The following ANO2 variants were observed in gnomAD, a reference collection of about 807,000 sequenced individuals.
The protein encoded by ANO2 is anoctamin-2.
Under a neutral mutation model 124.2 loss-of-function variants are expected in ANO2, and 101 were observed. That is an observed-to-expected ratio of 0.81 (90% CI 0.69 to 0.96). The LOEUF (loss-of-function observed/expected upper bound fraction) is 0.96, where lower values mean the gene tolerates loss of function less well. ANO2 is among the 40% of genes least tolerant of loss of function. The probability of loss-of-function intolerance (pLI) is 0.00; values close to 1 mark genes in which losing one functional copy is unlikely to be tolerated. For synonymous variants in ANO2, 486 were observed against 482.5 expected (o/e 1.01, Z -0.09); for missense variants, 1,293 against 1,274.5 (o/e 1.01, Z -0.22).
chr12:5,676,890 C>T (rs1948270898), intron 14 of ANO2, among the ~76,000 whole-genome samples: 2 of 151,970 alleles, frequency 1.3e-5, no homozygotes, highest in Non-Finnish European at 2.9e-5. Context: ...CCTGTCTCTA[C>T]TAAAAGTACA....
At chr12:5,830,833 T>C (rs1275693724) in intron 5 of ANO2, among the ~76,000 whole-genome samples, 1 of 152,190 alleles carries the variant, frequency 6.6e-6, no homozygotes, top group Non-Finnish European at 1.5e-5. Context: ...GAAAACTTTG[T>C]GTAAAGAAAA....
chr12:5,615,302 A>T lies in ANO2; in HGVS notation c.1817-5T>A, dbSNP rs1944747393. The T allele has an allele frequency of 6.2e-7, 1 of 1,609,000 alleles. No individual in the cohort carries two copies. The highest frequency in any genetic ancestry group is 1.1e-5 in the South Asian group (1 of 90,060). ...TCTGTTCTGTTTTCGGAACCTCTGT[A>T]AGAGAAGAGCGAGGCTGATGAGATT... On this transcript the variant is annotated splice_polypyrimidine_tract_variant and splice_region_variant and intron_variant, in intron 16 of 24. Transcript: ENST00000682330.
intron 1 of ANO2, among the ~76,000 whole-genome samples, chr12:5,938,225 A>G (rs921948822): frequency 1.3e-5 from 2 of 151,956 alleles, no homozygotes; most frequent in Non-Finnish European, 2.9e-5. Context: ...GCTGCTCCAA[A>G]TTTTTATCTC....
chr12:5,652,851 C>T lies in ANO2; in HGVS notation c.1546-5050G>A, dbSNP rs113535896. Among the ~76,000 whole-genome samples, 16 of 152,156 alleles carry T rather than the reference C, an allele frequency of 1.1e-4. 1 individual carries two copies. Among genetic ancestry groups the T allele is most frequent in the African/African-American group, 3.4e-4 (14 of 41,530 alleles). ...TCATATCTGTCAGATTTTTCTATTG[C>T]AAAGTTTCTTTTTTTCTCCTTTCCA... On this transcript the variant is annotated intron_variant, in intron 14 of 24. Transcript: ENST00000682330.
At chr12:5,941,155 G>A (rs555892468) in intron 1 of ANO2, among the ~76,000 whole-genome samples, 5 of 152,280 alleles carry the variant, frequency 3.3e-5, no homozygotes, top group Admixed American at 2.6e-4. Flanking sequence ...TTAGGATGAT[G>A]CAAATGCTTT....
chr12:5,591,517 T>C (rs1024325439), intron 20 of ANO2, among the ~76,000 whole-genome samples: 9 of 152,176 alleles, frequency 5.9e-5, no homozygotes, highest in African/African-American at 2.2e-4. Context: ...TTGGAAGTAA[T>C]TGTTCTTTTC....
At chr12:5,649,136 A>G (rs1448833494) in intron 14 of ANO2, among the ~76,000 whole-genome samples, 1 of 152,178 alleles carries the variant, frequency 6.6e-6, no homozygotes, top group Non-Finnish European at 1.5e-5. Context: ...GAAAGGTTTA[A>G]GAATCCCTGG....
intron 10 of ANO2, among the ~76,000 whole-genome samples, chr12:5,762,688 T>C (rs1329560713): frequency 6.6e-6 from 1 of 151,860 alleles, no homozygotes; most frequent in Non-Finnish European, 1.5e-5. Context: ...GAAAATCTTA[T>C]GCTCAAACTG....
At chr12:5,600,448 T>C (rs1456870630) in intron 19 of ANO2, among the ~76,000 whole-genome samples, 2 of 152,222 alleles carry the variant, frequency 1.3e-5, no homozygotes, top group African/African-American at 4.8e-5. Flanking sequence ...CTAAGACAAC[T>C]ACATTCAGGA....
chr12:5,921,789 A>G (rs1402367794), intron 2 of ANO2, among the ~76,000 whole-genome samples: 1 of 152,090 alleles, frequency 6.6e-6, no homozygotes, highest in Non-Finnish European at 1.5e-5. Flanking sequence ...CTCCTGCACC[A>G]TACAGGTGAA....
At position 5,922,743 on chromosome 12, in the gene ANO2, G is replaced by GC. The variant is rs758524445; in HGVS notation, c.83dup (p.Gln29ProfsTer51). ...ACTGCTGTCCATGTTTGGGGCCCTGGCCCCCTCTGGACCCTGCCTGAGGGC... is the reference window on the plus strand; with the variant it reads ...ACTGCTGTCCATGTTTGGGGCCCTGGCCCCCCTCTGGACCCTGCCTGAGGGC... On this transcript the variant is annotated frameshift_variant, in exon 2 of 25. Transcript: ENST00000682330. LOFTEE classifies it high-confidence loss of function. 6.3e-7 allele frequency: 1 copy of GC among 1,598,438 alleles called. No homozygotes were observed. The highest frequency in any genetic ancestry group is 2.3e-5 in the East Asian group (1 of 44,428).
chr12:5,797,005 C>A (rs968321776), intron 10 of ANO2, among the ~76,000 whole-genome samples: 1 of 152,192 alleles, frequency 6.6e-6, no homozygotes, highest in South Asian at 2.1e-4. Flanking sequence ...CCCAAAGAAA[C>A]GGGTGGGAAA....
At chr12:5,796,699 G>A (rs1014862695) in intron 10 of ANO2, among the ~76,000 whole-genome samples, 1 of 152,218 alleles carries the variant, frequency 6.6e-6, no homozygotes, top group African/African-American at 2.4e-5. Context: ...CACTGCAGCC[G>A]GGTGGAGGCA....
chr12:5,586,313 G>A (rs555081843), intron 20 of ANO2, among the ~76,000 whole-genome samples: 74 of 152,340 alleles, frequency 4.9e-4, no homozygotes, highest in African/African-American at 1.7e-3. Context: ...AAATGCTGAA[G>A]CCAGCCCCTC....
At chr12:5,632,889 G>C (rs2136934364) in intron 16 of ANO2, among the ~76,000 whole-genome samples, 1 of 152,218 alleles carries the variant, frequency 6.6e-6, no homozygotes, top group African/African-American at 2.4e-5. Flanking sequence ...CGCACACTCA[G>C]CAATACCCTT....
intron 7 of ANO2, among the ~76,000 whole-genome samples, chr12:5,807,965 T>A (rs931514438): frequency 6.6e-6 from 1 of 152,248 alleles, no homozygotes; most frequent in South Asian, 2.1e-4. Flanking sequence ...GGTTTCTAAC[T>A]GCTTTCTCAC....
intron 14 of ANO2, among the ~76,000 whole-genome samples, chr12:5,686,720 A>T (rs914627168): frequency 3.9e-5 from 6 of 152,232 alleles, no homozygotes; most frequent in Non-Finnish European, 7.3e-5. Context: ...ACCCAAGGAC[A>T]CCAGCTGCGC....
At position 5,945,201 on chromosome 12, in the gene ANO2, G is replaced by C. The variant is rs914025517; in HGVS notation, c.17C>G (p.Pro6Arg). MATPG[P>R]RDIPLLPGSP... is the part of the protein sequence containing the mutation. ...GGTCCAGCCGGAAAACTCACCGCGC[G>C]GCCCGGGAGTCGCCATGATGTGGAC... The change falls in exon 1 of 25, where the codon CCG becomes CGG. Residue 6 changes from proline to arginine, a missense_variant. By Grantham distance (103) the Pro-to-Arg change is moderately radical. Transcript: ENST00000682330. The C allele has an allele frequency of 7.8e-7, 1 of 1,288,686 alleles. No individual in the cohort carries two copies. The highest frequency in any genetic ancestry group is 1.5e-5 in the African/African-American group (1 of 65,946). The allele number at this position is 1,288,686 out of a possible 1,614,324, so 79.8% of individuals were successfully genotyped here.
rs367583083 is a variant in ANO2 at position 5,880,900 on chromosome 12, G to GGGATGGATGGATGGATGGAT, written c.535-26779_535-26760dup. ...GGTGGATGAGTGGATGGGTAGGTGG[G>GGGATGGATGGATGGATGGAT]GGATGGATGGATGGATGGATGAGTG... On this transcript the variant is annotated intron_variant, in intron 3 of 24. Coordinates refer to ENST00000682330, the MANE Select transcript of ANO2 (RefSeq NM_001364791.2). Among the ~76,000 whole-genome samples, 1,195 of 142,494 alleles carry GGGATGGATGGATGGATGGAT rather than the reference G, an allele frequency of 8.4e-3. 11 individuals carry two copies. Among genetic ancestry groups the GGGATGGATGGATGGATGGAT allele is most frequent in the African/African-American group, 0.018 (674 of 37,554 alleles). The allele number at this position is 142,494 out of a possible 152,430, so 93.5% of individuals were successfully genotyped here. A position where few individuals can be genotyped will look rare whatever the true frequency, so the allele number is the denominator to read the frequency against.
Sources: allele counts gnomAD v4.1 joint callset (sites outside exome capture counted in the v4.1 genomes callset), GRCh38; gene constraint gnomAD v4.1.1; transcripts MANE v1.5; gene names NCBI Gene and HGNC (gene_info 2026-07-23, HGNC 2026-07-21).